KCNIP1: variants seen among roughly 807,000 people sequenced by gnomAD.
KCNIP1 encodes the protein A-type potassium channel modulatory protein KCNIP1.
Under a neutral mutation model 33.0 loss-of-function variants are expected in KCNIP1, and 18 were observed. The observed-to-expected ratio is 0.55, with a 90% CI of 0.38 to 0.81. KCNIP1 has a LOEUF of 0.81. Among genes scored for constraint, KCNIP1 ranks in the 30% least tolerant of loss-of-function variants. The probability of loss-of-function intolerance (pLI) is 0.00; values close to 1 mark genes in which losing one functional copy is unlikely to be tolerated. For synonymous variants in KCNIP1, 93 were observed against 98.3 expected, an observed-to-expected ratio of 0.95 and a Z score of 0.32; for missense variants, 238 against 271.6, an observed-to-expected ratio of 0.88 and a Z score of 0.87.
intron 1 of KCNIP1, among the ~76,000 whole-genome samples, chr5:170,699,902 C>T (rs747194308): frequency 3.9e-5 from 6 of 152,172 alleles, no homozygotes; most frequent in Non-Finnish European, 8.8e-5. Flanking sequence ...AGCCATCCTC[C>T]GTGAAGCCCC....
chr5:170,534,448 AGAAG>A (rs1160808155), intron 1 of KCNIP1, among the ~76,000 whole-genome samples: 1 of 151,900 alleles, frequency 6.6e-6, no homozygotes, highest in Non-Finnish European at 1.5e-5. Flanking sequence ...CCTTAAAAAA[AGAAG>A]GAAGAGAGGG....
At chr5:170,473,046 G>C (rs1007939737) in intron 1 of KCNIP1, among the ~76,000 whole-genome samples, 1 of 152,124 alleles carries the variant, frequency 6.6e-6, no homozygotes, top group African/African-American at 2.4e-5. Context: ...ACATTCCAAC[G>C]AGCAGTGTAG....
At chr5:170,720,206 G>T (rs1363803236) in intron 2 of KCNIP1, 115 bp from the exon 3 acceptor site, 4 of 727,510 alleles carry the variant, frequency 5.5e-6, no homozygotes, top group Non-Finnish European at 7.4e-6. Context: ...AAGTGGAAAT[G>T]CACAGGTCCC....
At chr5:170,587,487 A>G (rs566022466) in intron 1 of KCNIP1, among the ~76,000 whole-genome samples, 2 of 151,192 alleles carry the variant, frequency 1.3e-5, no homozygotes, top group East Asian at 2.0e-4. Flanking sequence ...GGAGGTCAGA[A>G]GTCCAAAATG....
At chr5:170,409,998 T>A (rs1204300379) in intron 1 of KCNIP1, among the ~76,000 whole-genome samples, 1 of 152,254 alleles carries the variant, frequency 6.6e-6, no homozygotes, top group Non-Finnish European at 1.5e-5. Context: ...AAGTGTGTTT[T>A]GCTAAAGGCC....
intron 1 of KCNIP1, among the ~76,000 whole-genome samples, chr5:170,581,337 G>T (rs1333292191): frequency 6.6e-6 from 1 of 152,198 alleles, no homozygotes; most frequent in African/African-American, 2.4e-5. Context: ...CTCACAATTA[G>T]TTCCACTTCC....
At position 170,549,991 on chromosome 5, in the gene KCNIP1, G is replaced by A. The variant is rs577876431; in HGVS notation, c.61+45358G>A. Among the ~76,000 whole-genome samples the A allele has an allele frequency of 1.8e-4, 26 of 144,292 alleles. No individual in the cohort carries two copies. The East Asian group carries it at 3.1e-3, about 17-fold the overall frequency. 94.7% of individuals were successfully genotyped at this position (144,292 alleles called of 152,430 possible). On this transcript the variant is annotated intron_variant, in intron 1 of 7. Transcript: ENST00000328939. ...GTGCTTACCACTTTGAGTATACATC[G>A]GTGAATAAAAAAGATATAGTTCTGT...
chr5:170,470,432 C>T (rs770974296), intron 1 of KCNIP1, among the ~76,000 whole-genome samples: 4 of 152,040 alleles, frequency 2.6e-5, no homozygotes, highest in Non-Finnish European at 5.9e-5. Flanking sequence ...GACTTTTACT[C>T]TTGTTACCGA....
At chr5:170,528,587 A>C (rs897640024) in intron 1 of KCNIP1, among the ~76,000 whole-genome samples, 2 of 152,232 alleles carry the variant, frequency 1.3e-5, no homozygotes, top group African/African-American at 2.4e-5. Flanking sequence ...GTAATCTTGA[A>C]GGGGCTTGTG....
At chr5:170,735,614 T>C in intron 7 of KCNIP1, 145 bp from the exon 8 acceptor site, 2 of 657,438 alleles carry the variant, frequency 3.0e-6, no homozygotes, top group Non-Finnish European at 2.7e-6. Flanking sequence ...ACTTTCTAGG[T>C]CCCCACCCTT....
At chr5:170,385,382 G>A (rs1353777186) in intron 1 of KCNIP1, 2 of 1,614,120 alleles carry the variant, frequency 1.2e-6, no homozygotes. Flanking sequence ...ACACCACCAT[G>A]GTTACACCCA....
At chr5:170,568,093 G>T (rs1167984887) in intron 1 of KCNIP1, among the ~76,000 whole-genome samples, 1 of 152,166 alleles carries the variant, frequency 6.6e-6, no homozygotes, top group African/African-American at 2.4e-5. Context: ...TATAAAAATG[G>T]GATCGATAAC....
At chr5:170,669,499 A>T (rs1761836742) in intron 1 of KCNIP1, 1 of 984,180 alleles carries the variant, frequency 1.0e-6, no homozygotes, top group Non-Finnish European at 1.2e-6. Context: ...CTTTCCCCAG[A>T]ACTACCTTAA....
intron 1 of KCNIP1, among the ~76,000 whole-genome samples, chr5:170,462,940 G>C (rs1179111606): frequency 3.9e-5 from 6 of 152,136 alleles, no homozygotes; most frequent in African/African-American, 1.4e-4. Context: ...AGGCATAAGA[G>C]TGACACAGTG....
At chr5:170,449,784 C>T (rs1756202785) in intron 1 of KCNIP1, among the ~76,000 whole-genome samples, 1 of 152,192 alleles carries the variant, frequency 6.6e-6, no homozygotes, top group Non-Finnish European at 1.5e-5. Flanking sequence ...ACTCTACCCT[C>T]AGACCCCACC....
intron 1 of KCNIP1, among the ~76,000 whole-genome samples, chr5:170,366,329 G>A (rs1038390334): frequency 1.3e-5 from 2 of 152,250 alleles, no homozygotes; most frequent in Admixed American, 1.3e-4. Flanking sequence ...GGAGGCCTCA[G>A]ACCTGGATGT....
intron 1 of KCNIP1, among the ~76,000 whole-genome samples, chr5:170,367,347 G>GAAAA (rs36006713): frequency 2.5e-5 from 2 of 81,468 alleles, no homozygotes; most frequent in Admixed American, 1.4e-4. Context: ...AAGAAGGAAA[G>GAAAA]AAAAAGAAAG....
chr5:170,636,803 A>G (rs1370899019), intron 1 of KCNIP1, among the ~76,000 whole-genome samples: 1 of 152,190 alleles, frequency 6.6e-6, no homozygotes, highest in African/African-American at 2.4e-5. Flanking sequence ...CTACATACGA[A>G]GTGCTCTACC....
At chr5:170,519,735 G>T (rs547625682) in intron 1 of KCNIP1, among the ~76,000 whole-genome samples, 17 of 152,272 alleles carry the variant, frequency 1.1e-4, no homozygotes, top group Non-Finnish European at 1.9e-4. Flanking sequence ...AGTCAAGAAA[G>T]GGAGGAAGGA....
Sources: allele counts gnomAD v4.1 joint callset (sites outside exome capture counted in the v4.1 genomes callset), GRCh38; gene constraint gnomAD v4.1.1; transcripts MANE v1.5; gene names NCBI Gene and HGNC (gene_info 2026-07-23, HGNC 2026-07-21).